Variants in NLGN1 observed in about 807,000 individuals in gnomAD.
NLGN1 encodes neuroligin-1.
A neutral mutation model predicts 65.5 loss-of-function variants in NLGN1; 12 were observed. The observed-to-expected ratio is 0.18, with a 90% confidence interval of 0.12 to 0.30. The LOEUF (loss-of-function observed/expected upper bound fraction) is 0.30. Ranked by LOEUF, NLGN1 falls within the 10% of genes least tolerant of loss-of-function variation. The pLI is 1.00. For synonymous variants in NLGN1, 350 were observed against 359.5 expected (o/e 0.97, Z 0.30); for missense variants, 750 against 1,007.1 (o/e 0.74, Z 3.46).
chr3:174,051,847 T>A lies in NLGN1; in HGVS notation c.647-223468T>A, dbSNP rs76736388. 3.6e-3 allele frequency among the ~76,000 whole-genome samples: 550 copies of A among 152,120 alleles called. 3 individuals are homozygous for A. The highest frequency in any genetic ancestry group is 0.012 in the African/African-American group (490 of 41,532). On this transcript the variant is annotated intron_variant, in intron 4 of 6. Coordinates refer to ENST00000457714, the Ensembl canonical transcript of NLGN1. ...CCCTCACAGGCAGATTGGCCTCATA[T>A]GCCTTTGCTCTAATTTTCCGTTTGT...
chr3:174,023,138 G>A (rs937177428), intron 4 of NLGN1, among the ~76,000 whole-genome samples: 11 of 152,106 alleles, frequency 7.2e-5, no homozygotes, highest in Admixed American at 2.6e-4. Flanking sequence ...ACAATATGCC[G>A]TTGCTACCTC....
chr3:173,976,864 C>T (rs1009278427), intron 4 of NLGN1, among the ~76,000 whole-genome samples: 18 of 152,052 alleles, frequency 1.2e-4, no homozygotes, highest in African/African-American at 4.3e-4. Context: ...TGCCAATTTA[C>T]TCAGTGTGTA....
At chr3:173,988,944 C>CA (rs1720518805) in intron 4 of NLGN1, among the ~76,000 whole-genome samples, 1 of 152,012 alleles carries the variant, frequency 6.6e-6, no homozygotes. Context: ...TTCTGTTGAC[C>CA]AATCCACTTT....
chr3:174,201,873 C>G (rs1358423529), intron 4 of NLGN1, among the ~76,000 whole-genome samples: 3 of 152,048 alleles, frequency 2.0e-5, no homozygotes, highest in Non-Finnish European at 2.9e-5. Context: ...TTGCCCTGAC[C>G]TTTTTAGGTG....
At chr3:173,714,491 G>T (rs1223505656) in intron 3 of NLGN1, among the ~76,000 whole-genome samples, 1 of 152,156 alleles carries the variant, frequency 6.6e-6, no homozygotes, top group Admixed American at 6.6e-5. Flanking sequence ...CAGATCAGAA[G>T]TCAATTGAAG....
At chr3:173,838,534 C>T (rs1724107658) in intron 4 of NLGN1, among the ~76,000 whole-genome samples, 1 of 152,052 alleles carries the variant, frequency 6.6e-6, no homozygotes, top group African/African-American at 2.4e-5. Context: ...TAAATTCATT[C>T]TCCTAGAACA....
intron 2 of NLGN1, among the ~76,000 whole-genome samples, chr3:173,537,142 A>G (rs929128359): frequency 6.6e-6 from 1 of 152,182 alleles, no homozygotes; most frequent in African/African-American, 2.4e-5. Context: ...ACTCTCAAAG[A>G]CACACACAAA....
In NLGN1 at chr3:173,479,787, A is replaced by T. The variant is rs1576892598; in HGVS notation, c.-321+44709A>T. Among the ~76,000 whole-genome samples, 3 of 152,336 alleles carry T rather than the reference A, an allele frequency of 2.0e-5. No homozygotes were observed. The East Asian group carries it at 5.8e-4, about 29-fold the overall frequency. On this transcript the variant is annotated intron_variant, in intron 2 of 6. Coordinates refer to ENST00000457714, the Ensembl canonical transcript of NLGN1. ...AAAGAGCTATGAACTTATATGAACA[A>T]TATGAACAATAAAGAAAAAAATTGG...
chr3:173,607,052 T>C (rs891391979), intron 3 of NLGN1, among the ~76,000 whole-genome samples: 6 of 151,936 alleles, frequency 3.9e-5, no homozygotes, highest in Admixed American at 6.6e-5. Flanking sequence ...GCATAGAGCA[T>C]AATAAATAAA....
At chr3:173,867,071 A>G (rs1268912420) in intron 4 of NLGN1, among the ~76,000 whole-genome samples, 1 of 152,168 alleles carries the variant, frequency 6.6e-6, no homozygotes, top group African/African-American at 2.4e-5. Flanking sequence ...TACTCCTAGG[A>G]AGATCTAGCA....
At chr3:174,284,304 A>G (rs1007977969) in exon 7 of NLGN1, 1 of 151,140 alleles carries the variant, frequency 6.6e-6, no homozygotes, top group African/African-American at 2.4e-5. Context: ...CACATTATAC[A>G]GAACATTAAG....
chr3:173,967,336 C>T (rs1050536593), intron 4 of NLGN1, among the ~76,000 whole-genome samples: 1 of 152,144 alleles, frequency 6.6e-6, no homozygotes, highest in African/African-American at 2.4e-5. Flanking sequence ...CTGTGCTACG[C>T]AAACTCTAGG....
chr3:173,785,057 C>T (rs1246605102), intron 3 of NLGN1, among the ~76,000 whole-genome samples: 1 of 152,138 alleles, frequency 6.6e-6, no homozygotes. Flanking sequence ...TAGACATACA[C>T]ACACATAACA....
At chr3:174,193,235 A>T (rs944076783) in intron 4 of NLGN1, among the ~76,000 whole-genome samples, 1 of 152,182 alleles carries the variant, frequency 6.6e-6, no homozygotes, top group African/African-American at 2.4e-5. Context: ...ATTGCTTACT[A>T]TTGAGCAGGA....
chr3:173,663,859 C>CT (rs377287677), intron 3 of NLGN1, among the ~76,000 whole-genome samples: 16,803 of 144,976 alleles, frequency 0.12, 939 homozygotes, highest in Middle Eastern at 0.27. Flanking sequence ...ATCACTGCTA[C>CT]TTTTTTTTTT....
intron 4 of NLGN1, among the ~76,000 whole-genome samples, chr3:173,952,688 T>C (rs1467606915): frequency 6.6e-6 from 1 of 152,180 alleles, no homozygotes; most frequent in Non-Finnish European, 1.5e-5. Context: ...ATATGTTTAT[T>C]ACATCAGGAT....
chr3:173,484,850 C>T (rs1727901950), intron 2 of NLGN1, among the ~76,000 whole-genome samples: 1 of 151,982 alleles, frequency 6.6e-6, no homozygotes, highest in Non-Finnish European at 1.5e-5. Context: ...GCTTTTGTTT[C>T]TTAGGGGTGT....
intron 3 of NLGN1, among the ~76,000 whole-genome samples, chr3:173,660,175 T>C (rs1471391426): frequency 6.6e-6 from 1 of 151,810 alleles, no homozygotes; most frequent in Non-Finnish European, 1.5e-5. Context: ...AAATAGAGCT[T>C]TATCTTTTCC....
chr3:173,781,469 T>C (rs7612763), intron 3 of NLGN1, among the ~76,000 whole-genome samples: 1,860 of 152,324 alleles, frequency 0.012, 40 homozygotes, highest in African/African-American at 0.042. Flanking sequence ...TTCACTGTTA[T>C]GGATTATCTT....
Sources: gnomAD v4.1 joint callset for allele counts (sites outside exome capture counted in the v4.1 genomes callset) on GRCh38, gnomAD v4.1.1 for gene constraint, MANE v1.5 for transcripts, NCBI Gene and HGNC (gene_info 2026-07-23, HGNC 2026-07-21) for gene names.